SEMA3A: variants seen among roughly 807,000 people sequenced by gnomAD.
SEMA3A encodes semaphorin-3A.
Under a neutral mutation model 97.9 loss-of-function variants are expected in SEMA3A, and 29 were observed. The ratio of observed to expected loss-of-function variants is 0.30; its 90% CI spans 0.22 to 0.40. The LOEUF is 0.40. Among genes scored for constraint, SEMA3A ranks in the 10% least tolerant of loss-of-function variants. SEMA3A has a pLI of 1.00. For synonymous variants in SEMA3A, 321 were observed against 323.7 expected, an observed-to-expected ratio of 0.99 and a Z score of 0.09; for missense variants, 763 against 951.3, an observed-to-expected ratio of 0.80 and a Z score of 2.60.
chr7:84,294,879 CT>C (rs1800831202), intron 3 of SEMA3A, among the ~76,000 whole-genome samples: 1 of 152,054 alleles, frequency 6.6e-6, no homozygotes, highest in Non-Finnish European at 1.5e-5. Flanking sequence ...ATCTTGAAAT[CT>C]TTTTCCTAAC....
chr7:84,381,698 C>T (rs1402017496), intron 1 of SEMA3A, among the ~76,000 whole-genome samples: 5 of 152,054 alleles, frequency 3.3e-5, no homozygotes, highest in East Asian at 3.9e-4. Context: ...CAATCCTGTC[C>T]AATATGGCCT....
intron 3 of SEMA3A, among the ~76,000 whole-genome samples, chr7:84,259,516 G>C (rs1799795509): frequency 6.6e-6 from 1 of 151,792 alleles, no homozygotes; most frequent in Non-Finnish European, 1.5e-5. Flanking sequence ...TTTGGAGAAA[G>C]GGTTACTTGA....
chr7:84,017,695 T>G (rs1330312543), intron 6 of SEMA3A, among the ~76,000 whole-genome samples: 2 of 152,200 alleles, frequency 1.3e-5, no homozygotes, highest in Non-Finnish European at 2.9e-5. Context: ...ACCACACATT[T>G]TCTACTTCTT....
intron 3 of SEMA3A, among the ~76,000 whole-genome samples, chr7:84,247,530 G>A (rs535762501): frequency 6.6e-6 from 1 of 152,244 alleles, no homozygotes; most frequent in East Asian, 1.9e-4. Flanking sequence ...AAAACCTTTG[G>A]TTAAGAAGGG....
At chr7:84,074,367 G>A (rs897508782) in intron 4 of SEMA3A, among the ~76,000 whole-genome samples, 10 of 152,100 alleles carry the variant, frequency 6.6e-5, no homozygotes, top group African/African-American at 2.4e-4. Context: ...TACATTGTGG[G>A]AAGATGCAAA....
intron 2 of SEMA3A, 41 bp from the exon 3 acceptor site, chr7:84,129,226 T>C (rs1584008103): frequency 6.7e-7 from 1 of 1,499,718 alleles, no homozygotes; most frequent in East Asian, 2.3e-5. Flanking sequence ...TCAACTAAGT[T>C]GTCTAAGAGA....
intron 1 of SEMA3A, among the ~76,000 whole-genome samples, chr7:84,418,096 G>T (rs1364343277): frequency 1.3e-5 from 2 of 152,120 alleles, no homozygotes; most frequent in Non-Finnish European, 2.9e-5. Context: ...GTCTGTGAGG[G>T]TGTTGCCAGA....
chr7:84,204,867 AAG>A (rs1335452525), intron 3 of SEMA3A, among the ~76,000 whole-genome samples: 9 of 152,156 alleles, frequency 5.9e-5, no homozygotes, highest in Admixed American at 5.9e-4. Context: ...TGCAAATTGA[AAG>A]AGAGCAACGT....
chr7:84,278,248 T>C (rs1452543646), intron 3 of SEMA3A, among the ~76,000 whole-genome samples: 2 of 152,094 alleles, frequency 1.3e-5, no homozygotes, highest in African/African-American at 2.4e-5. Flanking sequence ...TCTCAATAAG[T>C]TTCTCATTTC....
intron 2 of SEMA3A, among the ~76,000 whole-genome samples, chr7:84,357,681 T>C (rs1428444515): frequency 6.6e-6 from 1 of 151,840 alleles, no homozygotes; most frequent in Non-Finnish European, 1.5e-5. Flanking sequence ...AGATAGTATT[T>C]CTAGTTCTAG....
intron 4 of SEMA3A, among the ~76,000 whole-genome samples, chr7:84,099,861 T>A (rs1794904811): frequency 6.6e-6 from 1 of 152,116 alleles, no homozygotes; most frequent in Non-Finnish European, 1.5e-5. Flanking sequence ...TATGTATATG[T>A]CTATTAATTT....
chr7:84,171,132 C>A (rs987402065), intron 1 of SEMA3A, among the ~76,000 whole-genome samples: 2 of 151,984 alleles, frequency 1.3e-5, no homozygotes, highest in African/African-American at 4.8e-5. Context: ...GTGCTCTAAT[C>A]CCCTGAATAG....
chr7:84,423,947 C>A (rs2116287787), intron 1 of SEMA3A, among the ~76,000 whole-genome samples: 1 of 152,004 alleles, frequency 6.6e-6, no homozygotes, highest in African/African-American at 2.4e-5. Context: ...AATGAGATAA[C>A]ACCTTACCCC....
chr7:84,334,310 A>C (rs1379561912), intron 2 of SEMA3A, among the ~76,000 whole-genome samples: 2 of 152,094 alleles, frequency 1.3e-5, no homozygotes, highest in Non-Finnish European at 2.9e-5. Context: ...TTTATAATTA[A>C]CTTCTAAAGT....
At chr7:84,265,565 T>C (rs933091503) in intron 3 of SEMA3A, among the ~76,000 whole-genome samples, 9 of 148,390 alleles carry the variant, frequency 6.1e-5, no homozygotes, top group African/African-American at 2.0e-4. Flanking sequence ...GTATTATATA[T>C]ATATTTAAGA....
At chr7:84,151,456 G>A (rs1030478136) in intron 1 of SEMA3A, among the ~76,000 whole-genome samples, 2 of 151,864 alleles carry the variant, frequency 1.3e-5, no homozygotes, top group Non-Finnish European at 2.9e-5. Context: ...GAAGCCTCAG[G>A]AGCCGATGCG....
chr7:84,355,356 T>A (rs561543460), intron 2 of SEMA3A, among the ~76,000 whole-genome samples: 17 of 152,010 alleles, frequency 1.1e-4, no homozygotes, highest in Non-Finnish European at 2.4e-4. Flanking sequence ...GATTTTGTAT[T>A]ACTTACAATA....
intron 1 of SEMA3A, among the ~76,000 whole-genome samples, chr7:84,183,023 G>A (rs779434877): frequency 6.6e-6 from 1 of 152,092 alleles, no homozygotes; most frequent in Non-Finnish European, 1.5e-5. Context: ...CACTATGAGG[G>A]AGCAAAGCAC....
At chr7:84,475,418 G>C (rs1806258205) in intron 1 of SEMA3A, among the ~76,000 whole-genome samples, 2 of 152,122 alleles carry the variant, frequency 1.3e-5, no homozygotes, top group South Asian at 4.1e-4. Context: ...ATAGGAAACA[G>C]ATAGAATTTC....
Sources: gnomAD v4.1 joint callset for allele counts (sites outside exome capture counted in the v4.1 genomes callset) on GRCh38, gnomAD v4.1.1 for gene constraint, MANE v1.5 for transcripts, NCBI Gene and HGNC (gene_info 2026-07-23, HGNC 2026-07-21) for gene names.